Variants in AFF1 observed in about 807,000 individuals in gnomAD.
AFF1 encodes AF4/FMR2 family member 1.
AFF1 carries 48 observed loss-of-function variants against 121.7 expected under a neutral mutation model. That is an observed-to-expected ratio of 0.39 (90% CI 0.31 to 0.50). The LOEUF (loss-of-function observed/expected upper bound fraction) is 0.50. Among genes scored for constraint, AFF1 ranks in the 20% least tolerant of loss-of-function variants. The pLI is 0.76. For synonymous variants in AFF1, 613 were observed against 563.0 expected (o/e 1.09, Z -1.26); for missense variants, 1,523 against 1,511.7 (o/e 1.01, Z -0.12).
At chr4:87,036,712 G>T (rs1057402702) in intron 2 of AFF1, 29 of 442,818 alleles carry the variant, frequency 6.5e-5, no homozygotes, top group Non-Finnish European at 1.3e-4. Flanking sequence ...TCTATTAAGA[G>T]AAACAAAATG....
At chr4:87,062,931 G>A (rs1172930179) in intron 4 of AFF1, among the ~76,000 whole-genome samples, 1 of 152,076 alleles carries the variant, frequency 6.6e-6, no homozygotes, top group Admixed American at 6.5e-5. Context: ...ATAGGTAGTG[G>A]TTAAAAGCAT....
intron 2 of AFF1, among the ~76,000 whole-genome samples, chr4:87,016,113 G>GGAGGTT (rs759283537): frequency 2.6e-5 from 4 of 151,570 alleles, no homozygotes; most frequent in Non-Finnish European, 5.9e-5. Context: ...CTCGGGAGGT[G>GGAGGTT]GAGGTTGCAG....
At chr4:87,006,690 T>C (rs1726152781) in intron 2 of AFF1, among the ~76,000 whole-genome samples, 1 of 152,210 alleles carries the variant, frequency 6.6e-6, no homozygotes, top group South Asian at 2.1e-4. Context: ...AATATTCAAA[T>C]TGGAGCTGGA....
At position 87,136,460 on chromosome 4, in the gene AFF1, C is replaced by T. The variant is rs371313035; in HGVS notation, c.*759C>T. On this transcript the variant is annotated 3_prime_UTR_variant, in exon 21 of 21. Transcript: ENST00000395146. ...AGGAGCCACAGCACATGGGGTGCCACCTCGAGGTCTGCACAGGAGGACTTG... is the reference window on the plus strand; with the variant it reads ...AGGAGCCACAGCACATGGGGTGCCATCTCGAGGTCTGCACAGGAGGACTTG... 11 of 232,698 alleles carry T rather than the reference C, an allele frequency of 4.7e-5. No homozygotes were observed. Among genetic ancestry groups the T allele is most frequent in the East Asian group, 4.2e-4 (7 of 16,476 alleles). The allele number at this position is 232,698 out of a possible 1,614,324, so 14.4% of individuals were successfully genotyped here. A position where few individuals can be genotyped will look rare whatever the true frequency, so the allele number is the denominator to read the frequency against.
chr4:87,108,327 C>A lies in AFF1; in HGVS notation c.1533+12C>A. The A allele has an allele frequency of 6.2e-7, 1 of 1,611,068 alleles. No individual in the cohort carries two copies. Among genetic ancestry groups the A allele is most frequent in the African/African-American group, 1.3e-5 (1 of 74,974 alleles). The stretch of plus-strand genomic sequence containing the variant: ...CCCCAGCTCCGGAGGTACCGTGTTC[C>A]CCCTCGAGATGGCCACCTTAGATGG... On this transcript the variant is annotated intron_variant, in intron 11 of 20. Transcript: ENST00000395146.
intron 2 of AFF1, among the ~76,000 whole-genome samples, chr4:86,995,317 C>G (rs548652521): frequency 1.5e-5 from 2 of 130,460 alleles, no homozygotes; most frequent in Non-Finnish European, 3.1e-5. Context: ...CCTCTCCCCA[C>G]GGTCTCCCTC....
intron 2 of AFF1, among the ~76,000 whole-genome samples, chr4:87,032,448 T>G (rs1291832830): frequency 6.6e-6 from 1 of 152,204 alleles, no homozygotes; most frequent in African/African-American, 2.4e-5. Flanking sequence ...GATCAAGATA[T>G]AAACAAAAGC....
chr4:86,985,122 AATATAATAT>A lies in AFF1; in HGVS notation c.38+36559_38+36567del, dbSNP rs1451120746. Among the ~76,000 whole-genome samples the A allele has an allele frequency of 7.6e-5, 9 of 117,772 alleles. No homozygotes were observed. In the South Asian group the frequency reaches 1.4e-3, roughly 19 times the overall value. The allele number at this position is 117,772 out of a possible 152,430, so 77.3% of individuals were successfully genotyped here. Reference sequence around the variant, plus strand: ...TTTTATAAATACAAATATTAATAGTAATATAATATATATAATTATGCATAATATATAAAA... The same window carrying A: ...TTTTATAAATACAAATATTAATAGTAATATAATTATGCATAATATATAAAA... On this transcript the variant is annotated intron_variant, in intron 2 of 20. Transcript: ENST00000395146.
intron 2 of AFF1, among the ~76,000 whole-genome samples, chr4:87,014,948 G>C (rs1727152281): frequency 1.3e-5 from 2 of 152,282 alleles, no homozygotes; most frequent in East Asian, 3.9e-4. Flanking sequence ...TTGACAAACT[G>C]TCTACCTTAG....
chr4:87,095,291 G>T (rs142815889), intron 8 of AFF1, among the ~76,000 whole-genome samples: 1 of 152,082 alleles, frequency 6.6e-6, no homozygotes, highest in Admixed American at 6.5e-5. Context: ...ACTAATTTTT[G>T]TATTTTTAGT....
chr4:87,053,321 G>A (rs192976000), intron 4 of AFF1, among the ~76,000 whole-genome samples: 1 of 152,152 alleles, frequency 6.6e-6, no homozygotes, highest in Admixed American at 6.5e-5. Flanking sequence ...CAAGACCCAA[G>A]TGTACATTCA....
chr4:87,020,306 T>C (rs1003198422), intron 2 of AFF1, among the ~76,000 whole-genome samples: 6 of 152,228 alleles, frequency 3.9e-5, no homozygotes, highest in East Asian at 1.9e-4. Context: ...TTCACGACCA[T>C]GTAAGAAAGA....
In AFF1 at chr4:87,127,175, C is replaced by A. The variant is rs544888047; in HGVS notation, c.2903+58C>A. 13 of 1,219,076 alleles carry A rather than the reference C, an allele frequency of 1.1e-5. 1 individual carries two copies. The highest frequency in any genetic ancestry group is 2.5e-5 in the South Asian group (2 of 78,978). The allele number at this position is 1,219,076 out of a possible 1,614,324, so 75.5% of individuals were successfully genotyped here. A position where few individuals can be genotyped will look rare whatever the true frequency, so the allele number is the denominator to read the frequency against. ...TTTGTTTTGTTTTGCTTCCCCCCCC[C>A]ACCAAGATAGAGTCTCACTCTGTCA... On this transcript the variant is annotated intron_variant, in intron 15 of 20. Coordinates refer to ENST00000395146, the MANE Select transcript of AFF1 (RefSeq NM_001166693.3).
chr4:87,047,529 A>G lies in AFF1; in HGVS notation c.994A>G (p.Thr332Ala). ...CTATCGACAGCAGACCTTTGAAAAA[A>G]CAGACTTGAAAGTGCCTGCCAAAGC... ...EDYRQQTFEK[T>A]DLKVPAKAKL... Residue 332 changes from threonine to alanine, a missense_variant, in exon 4 of 21, where the codon ACA (threonine) becomes GCA (alanine). Transcript: ENST00000395146. 6.2e-7 allele frequency: 1 copy of G among 1,614,218 alleles called. No homozygotes were observed. Among genetic ancestry groups the G allele is most frequent in the Non-Finnish European group, 8.5e-7 (1 of 1,180,042 alleles).
chr4:86,985,500 A>G (rs1176848024), intron 2 of AFF1, among the ~76,000 whole-genome samples: 1 of 139,940 alleles, frequency 7.1e-6, no homozygotes. Context: ...ACAGCGAGAC[A>G]CTGTCTCAAA....
chr4:87,132,199 A>G lies in AFF1; in HGVS notation c.3174-72A>G, dbSNP rs1728893975. ...GCAAACCCGGTGTGTTCATTAGGCT[A>G]TAAAAGGTTAGATGGCTGCTTTTCT... On this transcript the variant is annotated intron_variant, in intron 18 of 20. Transcript: ENST00000395146. The G allele has an allele frequency of 7.7e-6, 12 of 1,556,832 alleles. No homozygotes were observed. The South Asian group carries it at 1.1e-4, about 14-fold the overall frequency.
intron 2 of AFF1, among the ~76,000 whole-genome samples, chr4:87,017,101 G>GTTTTTTTTTTTTTT (rs66466780): frequency 9.4e-6 from 1 of 106,378 alleles, no homozygotes. Flanking sequence ...ATATATATGT[G>GTTTTTTTTTTTTTT]TTTTTTTTTT....
chr4:87,080,896 A>T (rs1456282077), intron 4 of AFF1, among the ~76,000 whole-genome samples: 1 of 152,166 alleles, frequency 6.6e-6, no homozygotes, highest in Non-Finnish European at 1.5e-5. Context: ...TGGAACATAA[A>T]ATGATCTCAT....
intron 2 of AFF1, among the ~76,000 whole-genome samples, chr4:86,964,776 A>G (rs1305730171): frequency 6.6e-6 from 1 of 152,106 alleles, no homozygotes; most frequent in African/African-American, 2.4e-5. Flanking sequence ...ATAGCTTACT[A>G]TTTTTAAATA....
Sources: allele counts gnomAD v4.1 joint callset (sites outside exome capture counted in the v4.1 genomes callset), GRCh38; gene constraint gnomAD v4.1.1; transcripts MANE v1.5; gene names NCBI Gene and HGNC (gene_info 2026-07-23, HGNC 2026-07-21).